The following PACRG variants were observed in gnomAD, a reference collection of about 807,000 sequenced individuals.
The protein encoded by PACRG is parkin coregulated gene protein.
Under a neutral mutation model 29.7 loss-of-function variants are expected in PACRG, and 29 were observed. That is an observed-to-expected ratio of 0.98 (90% CI 0.73 to 1.33). The LOEUF (loss-of-function observed/expected upper bound fraction) is 1.33, where lower values mean the gene tolerates loss of function less well. Among genes scored for constraint, PACRG ranks in the 40% most tolerant of loss-of-function variants. PACRG has a pLI of 0.00. For missense variants in PACRG, 279 were observed against 316.2 expected (o/e 0.88, Z 0.89); for synonymous variants, 116 against 118.7 (o/e 0.98, Z 0.15).
chr6:162,871,303 C>T (rs1235205503), intron 2 of PACRG, among the ~76,000 whole-genome samples: 1 of 152,078 alleles, frequency 6.6e-6, no homozygotes, highest in Non-Finnish European at 1.5e-5. Context: ...ATGTGATTAC[C>T]ATTTTAAATA....
At chr6:163,092,953 C>T (rs1261750242) in intron 4 of PACRG, among the ~76,000 whole-genome samples, 1 of 152,186 alleles carries the variant, frequency 6.6e-6, no homozygotes, top group African/African-American at 2.4e-5. Context: ...CTCTGTGAGC[C>T]TGTGAGTGGC....
intron 4 of PACRG, among the ~76,000 whole-genome samples, chr6:163,306,529 A>G (rs1304473131): frequency 1.3e-5 from 2 of 152,244 alleles, no homozygotes; most frequent in African/African-American, 4.8e-5. Flanking sequence ...TATGTAAAAA[A>G]GAAATTAACC....
rs551438141 is a variant in PACRG at position 162,844,303 on chromosome 6, C to T, written c.291+30022C>T. On this transcript the variant is annotated intron_variant, in intron 2 of 4. Coordinates refer to ENST00000366888, the MANE Select transcript of PACRG (RefSeq NM_001080379.2). ...AGGTGCGGGATATAATCTCATGGTG[C>T]GCCGTTTTTTAAGCCGGTCCGAAAA... Among the ~76,000 whole-genome samples the T allele has an allele frequency of 2.7e-4, 41 of 152,324 alleles. No individual in the cohort carries two copies. The South Asian group carries it at 3.3e-3, about 12-fold the overall frequency.
At chr6:162,758,906 G>C (rs1341907561) in intron 1 of PACRG, among the ~76,000 whole-genome samples, 1 of 152,080 alleles carries the variant, frequency 6.6e-6, no homozygotes, top group Non-Finnish European at 1.5e-5. Context: ...TAATATTTAA[G>C]CATATTTCAC....
At chr6:162,802,041 G>A (rs1216571928) in intron 1 of PACRG, among the ~76,000 whole-genome samples, 1 of 152,106 alleles carries the variant, frequency 6.6e-6, no homozygotes, top group Non-Finnish European at 1.5e-5. Context: ...TAATGAAAAG[G>A]AACAATGCCT....
intron 2 of PACRG, among the ~76,000 whole-genome samples, chr6:163,039,767 G>T (rs978678203): frequency 5.3e-5 from 8 of 152,166 alleles, no homozygotes; most frequent in Middle Eastern, 3.2e-3. Context: ...TCAAGATGTG[G>T]CCTGGCTTTT....
intron 2 of PACRG, among the ~76,000 whole-genome samples, chr6:163,044,303 G>A (rs912136098): frequency 5.3e-5 from 8 of 151,974 alleles, no homozygotes; most frequent in Non-Finnish European, 1.2e-4. Context: ...GAGTAGCTGG[G>A]ACCACAGGTG....
In PACRG at chr6:162,912,451, A is replaced by G. The variant is rs140145332; in HGVS notation, c.291+98170A>G. On this transcript the variant is annotated intron_variant, in intron 2 of 4. Transcript: ENST00000366888. Reference sequence around the variant, plus strand: ...TGCACAAGTATTGCGGTATCACCACATCCTTGCCAGCATGTAGCAGCTTTG... The same window carrying G: ...TGCACAAGTATTGCGGTATCACCACGTCCTTGCCAGCATGTAGCAGCTTTG... 2.6e-3 allele frequency among the ~76,000 whole-genome samples: 389 copies of G among 152,262 alleles called. 2 individuals carry two copies. Among genetic ancestry groups the G allele is most frequent in the African/African-American group, 8.9e-3 (368 of 41,554 alleles).
chr6:163,216,566 G>A (rs1005396729), intron 4 of PACRG, among the ~76,000 whole-genome samples: 1 of 152,198 alleles, frequency 6.6e-6, no homozygotes, highest in Non-Finnish European at 1.5e-5. Context: ...GCAAATGAGA[G>A]CTTAATGGCT....
At chr6:162,931,028 A>C (rs975953297) in intron 2 of PACRG, among the ~76,000 whole-genome samples, 5 of 151,434 alleles carry the variant, frequency 3.3e-5, no homozygotes, top group African/African-American at 1.2e-4. Context: ...ATATGGGCCT[A>C]TAGTTTTCTT....
chr6:163,004,207 A>G (rs1189176971), intron 2 of PACRG, among the ~76,000 whole-genome samples: 1 of 150,524 alleles, frequency 6.6e-6, no homozygotes, highest in Non-Finnish European at 1.5e-5. Flanking sequence ...ATTATTATAT[A>G]TACAGAATAT....
chr6:162,814,310 G>T (rs376896951), intron 2 of PACRG, 29 bp downstream of exon 2: 14 of 1,608,738 alleles, frequency 8.7e-6, no homozygotes, highest in African/African-American at 1.3e-5. Flanking sequence ...GTGCCGGCCA[G>T]CTGCACCCGC....
intron 2 of PACRG, among the ~76,000 whole-genome samples, chr6:162,914,714 G>C (rs1156354653): frequency 7.3e-5 from 11 of 150,978 alleles, no homozygotes; most frequent in Non-Finnish European, 1.2e-4. Context: ...CAATTACTTA[G>C]GTCCTTAGTT....
At chr6:162,746,828 G>C (rs1460542828) in intron 1 of PACRG, among the ~76,000 whole-genome samples, 1 of 151,976 alleles carries the variant, frequency 6.6e-6, no homozygotes, top group East Asian at 1.9e-4. Context: ...ATAACTTACA[G>C]GAAAAAAGAG....
At chr6:162,919,872 ATATAT>A (rs1381535069) in intron 2 of PACRG, among the ~76,000 whole-genome samples, 4 of 152,152 alleles carry the variant, frequency 2.6e-5, no homozygotes, top group Non-Finnish European at 5.9e-5. Context: ...AACAGGGTCA[ATATAT>A]TAAATATATA....
chr6:162,845,987 A>G (rs1352820671), intron 2 of PACRG, among the ~76,000 whole-genome samples: 1 of 152,184 alleles, frequency 6.6e-6, no homozygotes, highest in Non-Finnish European at 1.5e-5. Context: ...CAGGAAAAGT[A>G]GGAGGGTAAG....
intron 2 of PACRG, among the ~76,000 whole-genome samples, chr6:163,019,074 A>C (rs1806362224): frequency 6.6e-6 from 1 of 152,288 alleles, no homozygotes; most frequent in Middle Eastern, 3.4e-3. Flanking sequence ...CATTTAAAAA[A>C]TATGTGATCT....
chr6:162,774,956 C>T (rs901783476), intron 1 of PACRG, among the ~76,000 whole-genome samples: 8 of 152,160 alleles, frequency 5.3e-5, no homozygotes, highest in African/African-American at 1.9e-4. Flanking sequence ...CTGCATATAA[C>T]AGGACTCAGG....
chr6:163,126,955 C>T (rs930346105), intron 4 of PACRG, among the ~76,000 whole-genome samples: 2 of 152,202 alleles, frequency 1.3e-5, no homozygotes, highest in African/African-American at 2.4e-5. Flanking sequence ...AGGTCAAGTG[C>T]TCTTGAGCCC....
Sources: allele counts gnomAD v4.1 joint callset (sites outside exome capture counted in the v4.1 genomes callset), GRCh38; gene constraint gnomAD v4.1.1; transcripts MANE v1.5; gene names NCBI Gene and HGNC (gene_info 2026-07-23, HGNC 2026-07-21).